Variants in C2orf81 observed in about 807,000 individuals in gnomAD.
The protein encoded by C2orf81 is chromosome 2 open reading frame 81.
A neutral mutation model predicts 7.9 loss-of-function variants in C2orf81; 5 were observed. The observed-to-expected ratio is 0.63, with a 90% CI of 0.33 to 1.33. The LOEUF (loss-of-function observed/expected upper bound fraction) is 1.33, where lower values mean the gene tolerates loss of function less well. Ranked by LOEUF, C2orf81 falls within the 40% of genes most tolerant of loss-of-function variation. The pLI, the probability that C2orf81 is intolerant of heterozygous loss-of-function variation, is 0.05. For missense variants in C2orf81, 781 were observed against 830.4 expected (o/e 0.94, Z 0.73); for synonymous variants, 346 against 367.4 (o/e 0.94, Z 0.66).
Position 74,415,965 on chromosome 2 carries a change from G to A in C2orf81, c.250-38C>T. 6 of 1,547,292 alleles carry A rather than the reference G, an allele frequency of 3.9e-6. No individual in the cohort carries two copies. Among genetic ancestry groups the A allele is most frequent in the Non-Finnish European group, 5.2e-6 (6 of 1,144,038 alleles). ...GAGAGGATCTCAGGTCGGCAGGGAGGGGCGGGAGAGGGAGACGAGTCTGAA... is the reference window on the plus strand; with the variant it reads ...GAGAGGATCTCAGGTCGGCAGGGAGAGGCGGGAGAGGGAGACGAGTCTGAA... On this transcript the variant is annotated intron_variant, in intron 2 of 2. Transcript: ENST00000684111. The surrounding 1 kb of genome is among the most constrained non-coding windows in gnomAD (Gnocchi z 5.5).
chr2:74,415,683 T>A lies in C2orf81; in HGVS notation c.494A>T (p.Asp165Val). Residue 165 changes from aspartate (D) to valine (V), a missense_variant, in exon 3 of 3, where the codon GAC becomes GTC. Coordinates refer to ENST00000684111, the MANE Select transcript of C2orf81 (RefSeq NM_001316764.3). The surrounding 1 kb of genome is among the most constrained non-coding windows in gnomAD (Gnocchi z 5.5). The part of the protein sequence containing the change: ...GEVHSSGASP[D>V]SSAIAPALPF... ...GAGAGCAGGAGCAATGGCAGAGGAG[T>A]CCGGAGAGGCTCCTGAGGAGTGTAC... The A allele has an allele frequency of 6.4e-7, 1 of 1,550,866 alleles. No individual in the cohort carries two copies. The highest frequency in any genetic ancestry group is 8.7e-7 in the Non-Finnish European group (1 of 1,146,850).
At chr2:74,417,044 A>C (rs1676487824) in intron 1 of C2orf81, among the ~76,000 whole-genome samples, 1 of 152,182 alleles carries the variant, frequency 6.6e-6, no homozygotes, top group Non-Finnish European at 1.5e-5. Context: ...CCTCTTCTCC[A>C]CGAAGAGTAA....
intron 1 of C2orf81, chr2:74,418,284 TG>T: frequency 6.2e-7 from 1 of 1,608,224 alleles, no homozygotes; most frequent in Non-Finnish European, 8.5e-7. Context: ...GTCTCTTAGG[TG>T]TTGGCACTTC....
In C2orf81 at chr2:74,415,524, A is replaced by G; in HGVS notation, c.653T>C (p.Leu218Pro). ...GGGAGGAGGGGCCGACGTGACTCTC[A>G]GCTGCGGAGAAGGCTCCCAAGATTC... ...QMESWEPSPQ[L>P]RVTSAPPPTS... Residue 218 changes from leucine (L) to proline (P), a missense_variant, in exon 3 of 3, where the codon CTG (leucine) becomes CCG (proline). Transcript: ENST00000684111. The surrounding 1 kb of genome is among the most constrained non-coding windows in gnomAD (Gnocchi z 5.5). 1 of 1,546,834 alleles carries G rather than the reference A, an allele frequency of 6.5e-7. No individual in the cohort carries two copies. Among genetic ancestry groups the G allele is most frequent in the Non-Finnish European group, 8.7e-7 (1 of 1,143,502 alleles).
In C2orf81 at chr2:74,414,327, G is replaced by A. The variant is rs190738453; in HGVS notation, c.*2C>T. 7 of 1,475,152 alleles carry A rather than the reference G, an allele frequency of 4.7e-6. No homozygotes were observed. The highest frequency in any genetic ancestry group is 4.7e-5 in the Admixed American group (2 of 42,508). The allele number at this position is 1,475,152 out of a possible 1,614,324, so 91.4% of individuals were successfully genotyped here. On this transcript the variant is annotated 3_prime_UTR_variant, in exon 3 of 3. Coordinates refer to ENST00000684111, the MANE Select transcript of C2orf81 (RefSeq NM_001316764.3). The surrounding 1 kb of genome is among the most constrained non-coding windows in gnomAD (Gnocchi z 5.3). The stretch of plus-strand genomic sequence containing the variant: ...CTGAGTTCTTCATTAGCTGTGCTAC[G>A]GTCACCTGGGCTTTGGGGCACCTGT...
intron 1 of C2orf81, chr2:74,418,323 C>T (rs182704437): frequency 6.9e-6 from 11 of 1,605,560 alleles, no homozygotes; most frequent in Non-Finnish European, 9.4e-6. Flanking sequence ...TCCCTACCAG[C>T]GCTGTCCTGG....
Position 74,414,688 on chromosome 2 carries a change from G to C in C2orf81, c.1489C>G (p.Leu497Val). The C allele has an allele frequency of 1.3e-6, 2 of 1,544,962 alleles. No individual in the cohort carries two copies. The highest frequency in any genetic ancestry group is 1.4e-5 in the African/African-American group (1 of 73,084). The stretch of plus-strand genomic sequence containing the variant: ...CTGGGCCACCTGACACTGGGCCACA[G>C]CTTGGGGCTGCGGCTGCGGGCCACA... ...PDVARSRSPK[L>V]WPSVRWPSGW... The change falls in exon 3 of 3, where the codon CTG becomes GTG. Residue 497 changes from leucine (L) to valine (V), a missense_variant. Physicochemically the swap from Leu to Val is conservative, Grantham distance 32. Coordinates refer to ENST00000684111, the MANE Select transcript of C2orf81 (RefSeq NM_001316764.3). The surrounding 1 kb of genome is among the most constrained non-coding windows in gnomAD (Gnocchi z 5.3).
chr2:74,415,616 G>A lies in C2orf81; in HGVS notation c.561C>T (p.Asp187=), dbSNP rs141006442. ...TSHCPSAFPQ[D]PGGVDRIPLG... ...AAGGGATCCGGTCCACGCCCCCAGG[G>A]TCCTGGGGAAATGCACTCGGGCAGT... The change falls in exon 3 of 3, where the codon GAC becomes GAT. Residue 187 remains aspartate (D), a synonymous_variant. Coordinates refer to ENST00000684111, the MANE Select transcript of C2orf81 (RefSeq NM_001316764.3). This position sits in a 1 kb window ranked among gnomAD's most constrained non-coding sequence, Gnocchi z 5.5. The A allele has an allele frequency of 1.4e-3, 2,190 of 1,551,082 alleles. 21 individuals are homozygous for A. The East Asian group carries it at 0.022, about 16-fold the overall frequency.
intron 1 of C2orf81, among the ~76,000 whole-genome samples, chr2:74,419,036 C>G (rs576906856): frequency 6.6e-6 from 1 of 152,046 alleles, no homozygotes; most frequent in African/African-American, 2.4e-5. Context: ...CAAAAATTAG[C>G]CAGGCATGGT....
chr2:74,414,994 G>A lies in C2orf81; in HGVS notation c.1183C>T (p.Pro395Ser), dbSNP rs1676404829. ...TCCAAGGGGCGTGTTTGAGAGTCTG[G>A]GACCAGGACCTCAGCCAGAGGGCGC... is the stretch of plus-strand genomic sequence containing the variant. ...WVRPLAEVLV[P>S]DSQTRPLEAY... The change falls in exon 3 of 3, where the codon CCA (proline) becomes TCA (serine). Residue 395 changes from proline to serine, a missense_variant. Transcript: ENST00000684111. The surrounding 1 kb of genome is among the most constrained non-coding windows in gnomAD (Gnocchi z 5.3). 1.3e-6 allele frequency: 2 copies of A among 1,548,950 alleles called. No homozygotes were observed. The highest frequency in any genetic ancestry group is 1.7e-6 in the Non-Finnish European group (2 of 1,146,248).
At chr2:74,418,145 G>A (rs1676515622) in intron 1 of C2orf81, 2 of 915,134 alleles carry the variant, frequency 2.2e-6, no homozygotes, top group African/African-American at 1.6e-5. Flanking sequence ...GAGGACTCCT[G>A]CGAGATGCCC....
chr2:74,421,365 T>C (rs946304103), intron 1 of C2orf81, among the ~76,000 whole-genome samples, 178 bp downstream of exon 1: 1 of 152,232 alleles, frequency 6.6e-6, no homozygotes, highest in African/African-American at 2.4e-5. Flanking sequence ...GTGGGCACCG[T>C]GCAGGTGTAG....
rs1307503639 is a variant in C2orf81, at chr2:74,414,565, C to T, written c.1612G>A (p.Asp538Asn). 6.5e-7 allele frequency: 1 copy of T among 1,541,386 alleles called. No homozygotes were observed. Reference sequence around the variant, plus strand: ...GTGGTTCGAGGCCATCTGCCAGGATCCTGGCCCTCCCTGTCTGCCAGCTCC... The same window carrying T: ...GTGGTTCGAGGCCATCTGCCAGGATTCTGGCCCTCCCTGTCTGCCAGCTCC... ...GLELADREGQ[D>N]PGRWPRTTPP... Residue 538 changes from aspartate (D) to asparagine (N), a missense_variant, in exon 3 of 3, where the codon GAT becomes AAT. Physicochemically the swap from Asp to Asn is conservative, Grantham distance 23 (BLOSUM62 1). Coordinates refer to ENST00000684111, the MANE Select transcript of C2orf81 (RefSeq NM_001316764.3). This position sits in a 1 kb window ranked among gnomAD's most constrained non-coding sequence, Gnocchi z 5.3.
rs2103830378 is a variant in C2orf81 at position 74,415,582 on chromosome 2, A to T, written c.595T>A (p.Ser199Thr). The T allele has an allele frequency of 6.4e-7, 1 of 1,551,208 alleles. No homozygotes were observed. Among genetic ancestry groups the T allele is most frequent in the East Asian group, 2.4e-5 (1 of 40,900 alleles). Residue 199 changes from serine to threonine, a missense_variant, in exon 3 of 3, where the codon TCG (serine) becomes ACG (threonine). Ser to Thr is a moderately conservative substitution (Grantham distance 58, BLOSUM62 1). Transcript: ENST00000684111. This position sits in a 1 kb window ranked among gnomAD's most constrained non-coding sequence, Gnocchi z 5.5. ...GGVDRIPLGR[S>T]WMGRGSQEQM... ...TCCTGGGAGCCTCGACCCATCCACG[A>T]CCTTCCTAAAGGGATCCGGTCCACG...
rs1676378228 is a variant in C2orf81 at position 74,414,412 on chromosome 2, G to A, written c.1765C>T (p.Pro589Ser). The change falls in exon 3 of 3, where the codon CCT (proline) becomes TCT (serine). Residue 589 changes from proline (P) to serine (S), a missense_variant. Coordinates refer to ENST00000684111, the MANE Select transcript of C2orf81 (RefSeq NM_001316764.3). This position sits in a 1 kb window ranked among gnomAD's most constrained non-coding sequence, Gnocchi z 5.3. ...STQVLLSSGV[P>S]EQEDKEGSTF... is the part of the protein sequence containing the mutation. ...CTACCTTCTTTGTCCTCTTGTTCAG[G>A]CACACCAGAGCTGAGCAACACCTGG... is the stretch of plus-strand genomic sequence containing the variant. The A allele has an allele frequency of 1.3e-6, 2 of 1,547,300 alleles. No homozygotes were observed. The highest frequency in any genetic ancestry group is 1.7e-6 in the Non-Finnish European group (2 of 1,144,234).
At chr2:74,417,688 T>C in intron 1 of C2orf81, 1 of 614,794 alleles carries the variant, frequency 1.6e-6, no homozygotes, top group Non-Finnish European at 2.5e-6. Flanking sequence ...AATGGGGGCT[T>C]GGGCCCCTTT....
Position 74,414,786 on chromosome 2 carries a change from G to A in C2orf81, c.1391C>T (p.Pro464Leu), listed in dbSNP as rs751569316. 6.5e-5 allele frequency: 101 copies of A among 1,551,454 alleles called. 1 individual carries two copies. The South Asian group carries it at 1.2e-3, about 18-fold the overall frequency. Residue 464 changes from proline (P) to leucine (L), a missense_variant, in exon 3 of 3, where the codon CCA becomes CTA. Coordinates refer to ENST00000684111, the MANE Select transcript of C2orf81 (RefSeq NM_001316764.3). The surrounding 1 kb of genome is among the most constrained non-coding windows in gnomAD (Gnocchi z 5.3). ...GAGTGGCAGCTTTGACTCGAGGGATGGCGACGATAGGCCTAAATTTAAAGT... is the reference window on the plus strand; with the variant it reads ...GAGTGGCAGCTTTGACTCGAGGGATAGCGACGATAGGCCTAAATTTAAAGT... ...FPTLNLGLSSPSLESKLPLPN... is the reference protein window; with the variant it reads ...FPTLNLGLSSLSLESKLPLPN...
At position 74,414,665 on chromosome 2, in the gene C2orf81, G is replaced by A; in HGVS notation, c.1512C>T (p.Pro504=). The A allele has an allele frequency of 6.5e-7, 1 of 1,548,622 alleles. No individual in the cohort carries two copies. The highest frequency in any genetic ancestry group is 1.4e-5 in the African/African-American group (1 of 73,128). Residue 504 remains proline (P), a synonymous_variant, in exon 3 of 3, where the codon CCC becomes CCT. Coordinates refer to ENST00000684111, the MANE Select transcript of C2orf81 (RefSeq NM_001316764.3). The surrounding 1 kb of genome is among the most constrained non-coding windows in gnomAD (Gnocchi z 5.3). ...SPKLWPSVRW[P]SGWEGKAELL... Reference sequence around the variant, plus strand: ...GCTCGGCCTTCCCCTCCCAACCGCTGGGCCACCTGACACTGGGCCACAGCT... The same window carrying A: ...GCTCGGCCTTCCCCTCCCAACCGCTAGGCCACCTGACACTGGGCCACAGCT...
intron 1 of C2orf81, chr2:74,417,344 C>G (rs1395653753): frequency 7.7e-7 from 1 of 1,305,604 alleles, no homozygotes; most frequent in Non-Finnish European, 1.0e-6. Context: ...CAGCCCCAGC[C>G]CACCTCAGGT....
Sources: allele counts gnomAD v4.1 joint callset (sites outside exome capture counted in the v4.1 genomes callset), GRCh38; gene constraint gnomAD v4.1.1; non-coding constraint Gnocchi (gnomAD v3.1); transcripts MANE v1.5; gene names NCBI Gene and HGNC (gene_info 2026-07-23, HGNC 2026-07-21).